The following NRG1 variants were observed in gnomAD, a reference collection of about 807,000 sequenced individuals.
The protein encoded by NRG1 is neuregulin 1.
A neutral mutation model predicts 63.8 loss-of-function variants in NRG1; 18 were observed. The observed-to-expected ratio is 0.28, with a 90% CI of 0.19 to 0.42. The LOEUF (loss-of-function observed/expected upper bound fraction) is 0.42, where lower values mean the gene tolerates loss of function less well. Ranked by LOEUF, NRG1 falls within the 10% of genes least tolerant of loss-of-function variation. The probability of loss-of-function intolerance (pLI) is 1.00; values close to 1 mark genes in which losing one functional copy is unlikely to be tolerated. For missense variants in NRG1, 762 were observed against 814.7 expected (o/e 0.94, Z 0.79); for synonymous variants, 302 against 301.3 (o/e 1.00, Z -0.02).
chr8:31,889,213 G>A (rs978653934), intron 1 of NRG1, among the ~76,000 whole-genome samples: 6 of 152,032 alleles, frequency 3.9e-5, no homozygotes, highest in Admixed American at 6.6e-5. Context: ...CAAATCCAGC[G>A]TTTTTCCTTG....
At chr8:32,490,393 A>G (rs750892586) in intron 1 of NRG1, among the ~76,000 whole-genome samples, 1 of 152,128 alleles carries the variant, frequency 6.6e-6, no homozygotes, top group Non-Finnish European at 1.5e-5. Flanking sequence ...CAAGGCCTCC[A>G]TGCAATTCTG....
At chr8:31,665,419 A>G (rs913654625) in intron 1 of NRG1, among the ~76,000 whole-genome samples, 2 of 152,198 alleles carry the variant, frequency 1.3e-5, no homozygotes, top group African/African-American at 4.8e-5. Flanking sequence ...GTAAGGGTAC[A>G]GGTCATTTGG....
At chr8:32,312,710 AATC>A (rs1177519616) in intron 1 of NRG1, among the ~76,000 whole-genome samples, 2 of 152,018 alleles carry the variant, frequency 1.3e-5, no homozygotes, top group African/African-American at 2.4e-5. Context: ...AGTGATCTTT[AATC>A]ATTTGTTTCA....
chr8:31,674,369 C>T lies in NRG1; in HGVS notation c.37+34938C>T, dbSNP rs553727017. Among the ~76,000 whole-genome samples, 11 of 152,308 alleles carry T rather than the reference C, an allele frequency of 7.2e-5. No individual in the cohort carries two copies. The East Asian group carries it at 2.1e-3, about 29-fold the overall frequency. On this transcript the variant is annotated intron_variant, in intron 1 of 10. Transcript: ENST00000519301. ...TTCTACCCGCAACGTATAAGGGTTT[C>T]ACTTTCTCTACATCCTTGCCAATAC... is the stretch of plus-strand genomic sequence containing the variant.
At chr8:32,714,834 G>A (rs1012954548) in intron 5 of NRG1, among the ~76,000 whole-genome samples, 9 of 152,128 alleles carry the variant, frequency 5.9e-5, no homozygotes, top group African/African-American at 1.7e-4. Context: ...GCGCGTGCAC[G>A]CACAGTACTT....
At chr8:32,523,473 T>C (rs1231145123) in intron 1 of NRG1, among the ~76,000 whole-genome samples, 1 of 152,220 alleles carries the variant, frequency 6.6e-6, no homozygotes, top group African/African-American at 2.4e-5. Flanking sequence ...ATTTAAAAAG[T>C]CTTAACTTCT....
chr8:31,690,339 G>T (rs957455895), intron 1 of NRG1, among the ~76,000 whole-genome samples: 5 of 152,230 alleles, frequency 3.3e-5, no homozygotes, highest in African/African-American at 1.2e-4. Flanking sequence ...TTAGTCATGG[G>T]GTGTCAGAGT....
intron 1 of NRG1, among the ~76,000 whole-genome samples, chr8:32,278,245 G>A (rs1055973230): frequency 1.3e-5 from 2 of 152,092 alleles, no homozygotes; most frequent in African/African-American, 4.8e-5. Context: ...AAATGGCTCA[G>A]AAATGAGAAA....
chr8:31,748,615 C>A (rs1017303936), intron 1 of NRG1, among the ~76,000 whole-genome samples: 2 of 151,866 alleles, frequency 1.3e-5, no homozygotes, highest in Non-Finnish European at 2.9e-5. Flanking sequence ...TAGATACAGA[C>A]AACAGGAGAT....
At chr8:32,748,334 C>G (rs550858421) in intron 7 of NRG1, among the ~76,000 whole-genome samples, 3 of 76,362 alleles carry the variant, frequency 3.9e-5, no homozygotes, top group African/African-American at 1.2e-4. Flanking sequence ...TACACGCGCG[C>G]GCGCGCACAC....
chr8:31,964,085 C>G, intron 1 of NRG1, among the ~76,000 whole-genome samples: 1 of 152,146 alleles, frequency 6.6e-6, no homozygotes, highest in East Asian at 1.9e-4. Flanking sequence ...AGACTTCTGT[C>G]ATGGATAGCA....
At chr8:32,413,706 A>G (rs985976796) in intron 1 of NRG1, among the ~76,000 whole-genome samples, 3 of 152,292 alleles carry the variant, frequency 2.0e-5, no homozygotes, top group Admixed American at 6.5e-5. Context: ...TTGCTGAGGA[A>G]CATATGATTG....
At chr8:32,498,986 G>A (rs1414396439) in intron 1 of NRG1, among the ~76,000 whole-genome samples, 1 of 152,126 alleles carries the variant, frequency 6.6e-6, no homozygotes, top group Non-Finnish European at 1.5e-5. Context: ...AACTGTCCAG[G>A]GAGTTGCATA....
At chr8:32,731,612 C>G (rs1289494279) in intron 6 of NRG1, among the ~76,000 whole-genome samples, 1 of 152,138 alleles carries the variant, frequency 6.6e-6, no homozygotes, top group Non-Finnish European at 1.5e-5. Flanking sequence ...TCAAACCTTT[C>G]TCGTTACATG....
chr8:32,155,877 C>G (rs1014873544), intron 1 of NRG1, among the ~76,000 whole-genome samples: 1 of 152,144 alleles, frequency 6.6e-6, no homozygotes, highest in African/African-American at 2.4e-5. Flanking sequence ...TTGATTTTGT[C>G]TGCCTGATGT....
intron 3 of NRG1, among the ~76,000 whole-genome samples, chr8:32,608,083 GT>G (rs372730003): frequency 4.0e-5 from 4 of 99,334 alleles, no homozygotes; most frequent in African/African-American, 1.3e-4. Flanking sequence ...ATGAACCCAG[GT>G]TTTTTTTGTT....
chr8:32,212,630 C>T (rs1844812692), intron 1 of NRG1, among the ~76,000 whole-genome samples: 1 of 152,004 alleles, frequency 6.6e-6, no homozygotes, highest in Non-Finnish European at 1.5e-5. Flanking sequence ...CTCATATGGA[C>T]TAGATTATGA....
At chr8:32,071,837 T>C (rs922421807) in intron 1 of NRG1, among the ~76,000 whole-genome samples, 1 of 152,146 alleles carries the variant, frequency 6.6e-6, no homozygotes, top group Non-Finnish European at 1.5e-5. Flanking sequence ...CTCTCTGATC[T>C]CCAAAGTGGT....
intron 1 of NRG1, among the ~76,000 whole-genome samples, chr8:32,575,406 A>G (rs1839431501): frequency 6.7e-6 from 1 of 149,360 alleles, no homozygotes; most frequent in Non-Finnish European, 1.5e-5. Flanking sequence ...ATACTATAAA[A>G]GTTCCCTTCC....
Sources: allele counts gnomAD v4.1 joint callset (sites outside exome capture counted in the v4.1 genomes callset), GRCh38; gene constraint gnomAD v4.1.1; transcripts MANE v1.5; gene names NCBI Gene and HGNC (gene_info 2026-07-23, HGNC 2026-07-21).